Variants in PRIM2 observed in about 807,000 individuals in gnomAD.
The protein encoded by PRIM2 is DNA primase subunit 2.
Under a neutral mutation model 67.3 loss-of-function variants are expected in PRIM2, and 39 were observed. The ratio of observed to expected loss-of-function variants is 0.58; its 90% CI spans 0.45 to 0.76. The LOEUF is 0.76. Ranked by LOEUF, PRIM2 falls within the 30% of genes least tolerant of loss-of-function variation. The pLI is 0.00. For synonymous variants in PRIM2, 143 were observed against 198.7 expected, an observed-to-expected ratio of 0.72 and a Z score of 2.36; for missense variants, 398 against 598.7, an observed-to-expected ratio of 0.66 and a Z score of 3.50.
chr6:57,540,279 A>T (rs1775119458), intron 10 of PRIM2, among the ~76,000 whole-genome samples: 4 of 150,486 alleles, frequency 2.7e-5, no homozygotes. Flanking sequence ...ACACACACTC[A>T]CACACACACA....
intron 10 of PRIM2, among the ~76,000 whole-genome samples, chr6:57,542,007 G>A (rs1775168917): frequency 7.6e-6 from 1 of 131,868 alleles, no homozygotes; most frequent in South Asian, 2.3e-4. Flanking sequence ...ACAGAGTCTC[G>A]CTCTGTCACC....
At chr6:57,332,410 C>T (rs1247595007) in intron 5 of PRIM2, among the ~76,000 whole-genome samples, 1 of 152,088 alleles carries the variant, frequency 6.6e-6, no homozygotes, top group African/African-American at 2.4e-5. Context: ...CTTTTCAAAG[C>T]TTCGGTTTCC....
intron 13 of PRIM2, among the ~76,000 whole-genome samples, chr6:57,637,627 G>A (rs1434295284): frequency 2.6e-4 from 39 of 152,186 alleles, no homozygotes; most frequent in African/African-American, 7.5e-4. Context: ...ATCTGTAGTC[G>A]AATTGACAAG....
chr6:57,294,955 C>T, the PRIM2 span, among the ~76,000 whole-genome samples: 1 of 152,002 alleles, frequency 6.6e-6, no homozygotes, highest in Non-Finnish European at 1.5e-5. Flanking sequence ...GGACTACAGG[C>T]GTGCTGCCAT....
the PRIM2 span, among the ~76,000 whole-genome samples, chr6:57,246,982 G>A: frequency 6.6e-6 from 1 of 152,002 alleles, no homozygotes; most frequent in Non-Finnish European, 1.5e-5. Flanking sequence ...AGCCTCCCGA[G>A]TAGCTGGGAC....
intron 11 of PRIM2, among the ~76,000 whole-genome samples, chr6:57,603,154 T>C (rs1776500483): frequency 6.6e-6 from 1 of 152,232 alleles, no homozygotes; most frequent in South Asian, 2.1e-4. Flanking sequence ...TGGGATTTCA[T>C]TTACACGTTA....
chr6:57,376,880 A>T (rs1342807257), intron 5 of PRIM2, among the ~76,000 whole-genome samples: 3 of 152,014 alleles, frequency 2.0e-5, no homozygotes, highest in African/African-American at 7.2e-5. Flanking sequence ...TAGTTTTTCT[A>T]TATTTTTTAT....
chr6:57,255,040 C>T, the PRIM2 span, among the ~76,000 whole-genome samples: 45 of 152,260 alleles, frequency 3.0e-4, no homozygotes, highest in Middle Eastern at 6.8e-3. Flanking sequence ...TTTCCCAGTT[C>T]GTCTGCCTCT....
At chr6:57,538,801 T>C (rs1775072568) in intron 10 of PRIM2, among the ~76,000 whole-genome samples, 1 of 152,180 alleles carries the variant, frequency 6.6e-6, no homozygotes, top group African/African-American at 2.4e-5. Flanking sequence ...TCACATGGCC[T>C]TTTCTCTGTG....
chr6:57,569,827 A>G (rs1775827475), intron 10 of PRIM2, among the ~76,000 whole-genome samples: 1 of 151,948 alleles, frequency 6.6e-6, no homozygotes, highest in Admixed American at 6.6e-5. Flanking sequence ...GCTCACTGCA[A>G]CCTCTGCTTC....
intron 7 of PRIM2, among the ~76,000 whole-genome samples, chr6:57,460,026 A>G (rs1299818423): frequency 6.6e-6 from 1 of 152,174 alleles, no homozygotes; most frequent in African/African-American, 2.4e-5. Context: ...CCTAGTCATG[A>G]AGCATTAAAG....
intron 13 of PRIM2, among the ~76,000 whole-genome samples, chr6:57,642,948 T>C (rs1777272485): frequency 6.6e-6 from 1 of 152,200 alleles, no homozygotes; most frequent in Non-Finnish European, 1.5e-5. Context: ...TCTTTCTCCC[T>C]CTCCTTCTGT....
intron 10 of PRIM2, among the ~76,000 whole-genome samples, chr6:57,596,427 T>C (rs1776368503): frequency 2.0e-5 from 3 of 152,046 alleles, no homozygotes; most frequent in Non-Finnish European, 4.4e-5. Context: ...AACTAATCTG[T>C]GGTAACAAAA....
chr6:57,380,431 C>T (rs1769920605), intron 6 of PRIM2, among the ~76,000 whole-genome samples: 1 of 152,146 alleles, frequency 6.6e-6, no homozygotes. Flanking sequence ...CCACTGGGCT[C>T]TGACATTGTA....
chr6:57,588,529 G>C (rs1280040038), intron 10 of PRIM2, among the ~76,000 whole-genome samples: 1 of 151,580 alleles, frequency 6.6e-6, no homozygotes, highest in Non-Finnish European at 1.5e-5. Flanking sequence ...AGGGGGACTT[G>C]GGTTTTTCCC....
chr6:57,525,029 ACCTG>A (rs1220181192), intron 8 of PRIM2, among the ~76,000 whole-genome samples: 18 of 151,972 alleles, frequency 1.2e-4, no homozygotes, highest in Non-Finnish European at 2.4e-4. Flanking sequence ...CTATCTCAGG[ACCTG>A]CCTAATTTCC....
intron 7 of PRIM2, among the ~76,000 whole-genome samples, chr6:57,435,438 C>G (rs1771979211): frequency 6.6e-6 from 1 of 152,132 alleles, no homozygotes; most frequent in African/African-American, 2.4e-5. Context: ...CTTTTAACCC[C>G]CAGCCAAAAC....
At chr6:57,428,924 C>T (rs1376296982) in intron 7 of PRIM2, among the ~76,000 whole-genome samples, 2 of 152,080 alleles carry the variant, frequency 1.3e-5, no homozygotes, top group African/African-American at 2.4e-5. Context: ...ATTCTATGAA[C>T]CTTTACCACA....
At chr6:57,587,586 C>G (rs1355866041) in intron 10 of PRIM2, among the ~76,000 whole-genome samples, 4 of 133,262 alleles carry the variant, frequency 3.0e-5, no homozygotes, top group African/African-American at 1.1e-4. Flanking sequence ...AAGGCGTGAA[C>G]TCGGGAGGCA....
Sources: allele counts gnomAD v4.1 joint callset (sites outside exome capture counted in the v4.1 genomes callset), GRCh38; gene constraint gnomAD v4.1.1; transcripts MANE v1.5; gene names NCBI Gene and HGNC (gene_info 2026-07-23, HGNC 2026-07-21).